Variants in KCNIP1 observed in about 807,000 individuals in gnomAD.
KCNIP1 encodes the protein A-type potassium channel modulatory protein KCNIP1.
KCNIP1 carries 18 observed loss-of-function variants against 33.0 expected under a neutral mutation model. The ratio of observed to expected loss-of-function variants is 0.55; its 90% CI spans 0.38 to 0.81. The LOEUF is 0.81. Among genes scored for constraint, KCNIP1 ranks in the 30% least tolerant of loss-of-function variants. KCNIP1 has a pLI of 0.00. For synonymous variants in KCNIP1, 93 were observed against 98.3 expected (o/e 0.95, Z 0.32); for missense variants, 238 against 271.6 (o/e 0.88, Z 0.87).
At chr5:170,435,291 G>A (rs1436722042) in intron 1 of KCNIP1, among the ~76,000 whole-genome samples, 1 of 152,220 alleles carries the variant, frequency 6.6e-6, no homozygotes, top group African/African-American at 2.4e-5. Context: ...AGAAGTCCCG[G>A]ACATTATCAC....
chr5:170,422,496 CG>C (rs1385031931), intron 1 of KCNIP1: 1 of 152,146 alleles, frequency 6.6e-6, no homozygotes, highest in Admixed American at 6.5e-5. Context: ...GGCAAGAAGC[CG>C]GGACTTGGAA....
chr5:170,470,699 G>A (rs186912535), intron 1 of KCNIP1, among the ~76,000 whole-genome samples: 8 of 152,316 alleles, frequency 5.3e-5, no homozygotes, highest in South Asian at 2.1e-4. Flanking sequence ...ATCTTGAAGC[G>A]GAAGTTTGGG....
At chr5:170,661,764 G>A (rs1370734522) in intron 1 of KCNIP1, among the ~76,000 whole-genome samples, 3 of 152,160 alleles carry the variant, frequency 2.0e-5, no homozygotes, top group African/African-American at 7.2e-5. Flanking sequence ...TTCAGCACAT[G>A]CTCATTTTTG....
chr5:170,662,081 A>G (rs777355850), intron 1 of KCNIP1, among the ~76,000 whole-genome samples: 8 of 152,216 alleles, frequency 5.3e-5, no homozygotes, highest in Non-Finnish European at 1.0e-4. Context: ...TACTGAATGT[A>G]GACACACTGT....
At chr5:170,715,624 G>A (rs567523386) in intron 1 of KCNIP1, among the ~76,000 whole-genome samples, 1 of 152,178 alleles carries the variant, frequency 6.6e-6, no homozygotes, top group Non-Finnish European at 1.5e-5. Flanking sequence ...GCAGGGCAAT[G>A]GTCCCCTCAC....
intron 1 of KCNIP1, among the ~76,000 whole-genome samples, chr5:170,382,352 A>T (rs1764276728): frequency 6.6e-6 from 1 of 152,174 alleles, no homozygotes; most frequent in Admixed American, 6.5e-5. Context: ...AGACTCTTAC[A>T]GGGTTCTAAT....
At chr5:170,381,719 T>A (rs1764248464) in intron 1 of KCNIP1, among the ~76,000 whole-genome samples, 1 of 152,206 alleles carries the variant, frequency 6.6e-6, no homozygotes, top group Admixed American at 6.5e-5. Context: ...GATGCTCCTC[T>A]GAGCTGGCAA....
chr5:170,611,361 C>T (rs1759145064), intron 1 of KCNIP1, among the ~76,000 whole-genome samples: 1 of 152,212 alleles, frequency 6.6e-6, no homozygotes, highest in Non-Finnish European at 1.5e-5. Flanking sequence ...GCTCATTTCT[C>T]TCCCCTGGGC....
At chr5:170,530,461 A>G (rs528331478) in intron 1 of KCNIP1, among the ~76,000 whole-genome samples, 1 of 152,192 alleles carries the variant, frequency 6.6e-6, no homozygotes, top group Non-Finnish European at 1.5e-5. Context: ...TCTTGCATAT[A>G]ATGTATCCGG....
chr5:170,365,619 G>A (rs1310313698), intron 1 of KCNIP1, among the ~76,000 whole-genome samples: 2 of 152,216 alleles, frequency 1.3e-5, no homozygotes, highest in African/African-American at 4.8e-5. Flanking sequence ...AGTCACCAGC[G>A]AAGGCATCTG....
chr5:170,379,013 C>T, intron 1 of KCNIP1: 3 of 1,597,944 alleles, frequency 1.9e-6, no homozygotes, highest in Non-Finnish European at 1.7e-6. Flanking sequence ...CTTGGAAATC[C>T]CCATTTCTTA....
At position 170,736,046 on chromosome 5, in the gene KCNIP1, T is replaced by A. The variant is rs573121704; in HGVS notation, c.*240T>A. On this transcript the variant is annotated 3_prime_UTR_variant, in exon 8 of 8. Transcript: ENST00000328939. ...AGAGACAAGATGAAATTTGAGTTTGTTTTGGAAGCATGCTCATCTCCTCAC... is the reference window on the plus strand; with the variant it reads ...AGAGACAAGATGAAATTTGAGTTTGATTTGGAAGCATGCTCATCTCCTCAC... The A allele has an allele frequency of 1.8e-6, 1 of 546,350 alleles. No individual in the cohort carries two copies. Among genetic ancestry groups the A allele is most frequent in the African/African-American group, 1.9e-5 (1 of 53,024 alleles). The allele number at this position is 546,350 out of a possible 1,614,324, so 33.8% of individuals were successfully genotyped here. A position where few individuals can be genotyped will look rare whatever the true frequency, so the allele number is the denominator to read the frequency against.
At chr5:170,701,845 G>C (rs1673285920) in intron 1 of KCNIP1, among the ~76,000 whole-genome samples, 1 of 152,092 alleles carries the variant, frequency 6.6e-6, no homozygotes, top group Non-Finnish European at 1.5e-5. Context: ...ACTTGCTCAG[G>C]TCCACCACCT....
At chr5:170,675,317 A>T (rs993827661) in intron 1 of KCNIP1, among the ~76,000 whole-genome samples, 3 of 151,368 alleles carry the variant, frequency 2.0e-5, no homozygotes, top group East Asian at 3.9e-4. Flanking sequence ...TATATATATA[A>T]ATAAATAAAT....
intron 1 of KCNIP1, among the ~76,000 whole-genome samples, chr5:170,386,934 C>A (rs1055157230): frequency 6.6e-6 from 1 of 152,104 alleles, no homozygotes; most frequent in African/African-American, 2.4e-5. Context: ...CCCTGCTAGG[C>A]TCCTGATCGC....
intron 1 of KCNIP1, among the ~76,000 whole-genome samples, chr5:170,475,263 A>G (rs1261020119): frequency 6.6e-6 from 1 of 152,210 alleles, no homozygotes; most frequent in Non-Finnish European, 1.5e-5. Context: ...CCAACCTCCA[A>G]GCTTTTTTAT....
At chr5:170,651,512 C>A (rs561683672) in intron 1 of KCNIP1, among the ~76,000 whole-genome samples, 1 of 152,264 alleles carries the variant, frequency 6.6e-6, no homozygotes, top group Non-Finnish European at 1.5e-5. Flanking sequence ...CCCGTCCTGT[C>A]CCCTGGGCGT....
chr5:170,617,011 C>A (rs1015601573), intron 1 of KCNIP1, among the ~76,000 whole-genome samples: 42 of 151,858 alleles, frequency 2.8e-4, no homozygotes, highest in African/African-American at 8.7e-4. Flanking sequence ...TCTAATCTGT[C>A]GCCTCCACCA....
At chr5:170,594,623 G>A (rs1758379004) in intron 1 of KCNIP1, among the ~76,000 whole-genome samples, 3 of 152,110 alleles carry the variant, frequency 2.0e-5, no homozygotes, top group South Asian at 4.1e-4. Context: ...CAATTCTCCT[G>A]CCTCAGCCTC....
Sources: gnomAD v4.1 joint callset for allele counts (sites outside exome capture counted in the v4.1 genomes callset) on GRCh38, gnomAD v4.1.1 for gene constraint, MANE v1.5 for transcripts, NCBI Gene and HGNC (gene_info 2026-07-23, HGNC 2026-07-21) for gene names.